ACTR3C: variants seen among roughly 807,000 people sequenced by gnomAD.
ACTR3C encodes actin-related protein 3C.
ACTR3C carries 18 observed loss-of-function variants against 26.3 expected under a neutral mutation model. That is an observed-to-expected ratio of 0.68 (90% CI 0.47 to 1.01). The LOEUF (loss-of-function observed/expected upper bound fraction) is 1.01, where lower values mean the gene tolerates loss of function less well. Among genes scored for constraint, ACTR3C ranks in the 50% least tolerant of loss-of-function variants. The pLI is 0.00. For missense variants in ACTR3C, 184 were observed against 250.7 expected (o/e 0.73, Z 1.80); for synonymous variants, 55 against 94.5 (o/e 0.58, Z 2.42).
At chr7:150,064,763 C>T in the ACTR3C span, among the ~76,000 whole-genome samples, 2 of 151,160 alleles carry the variant, frequency 1.3e-5, no homozygotes, top group South Asian at 2.1e-4. Flanking sequence ...AGTTCACATT[C>T]GGAAGGCAGT....
chr7:149,897,635 G>T, the ACTR3C span, among the ~76,000 whole-genome samples: 1 of 152,254 alleles, frequency 6.6e-6, no homozygotes, highest in Non-Finnish European at 1.5e-5. Context: ...GGAGGCCAAG[G>T]TGGGCAGATC....
chr7:149,947,959 G>A, the ACTR3C span, among the ~76,000 whole-genome samples: 3 of 151,774 alleles, frequency 2.0e-5, no homozygotes, highest in Non-Finnish European at 2.9e-5. Context: ...ACACACGTAA[G>A]CACACAGAGC....
chr7:149,924,341 C>T, the ACTR3C span, among the ~76,000 whole-genome samples: 1 of 151,872 alleles, frequency 6.6e-6, no homozygotes, highest in Non-Finnish European at 1.5e-5. Context: ...CTCCATTGCA[C>T]TCCAGCCTGG....
chr7:149,910,925 G>A, the ACTR3C span, among the ~76,000 whole-genome samples: 5 of 151,612 alleles, frequency 3.3e-5, no homozygotes, highest in Non-Finnish European at 4.4e-5. Flanking sequence ...CGTGCCACAG[G>A]AGCCAGGGCA....
chr7:150,316,400 C>T (rs1238914693), intron 1 of ACTR3C, among the ~76,000 whole-genome samples: 1 of 151,968 alleles, frequency 6.6e-6, no homozygotes, highest in Non-Finnish European at 1.5e-5. Flanking sequence ...TTGTTCCTAC[C>T]AACCCCCAGC....
the ACTR3C span, among the ~76,000 whole-genome samples, chr7:150,019,599 A>AAATAAAAATAAT: frequency 4.8e-3 from 523 of 109,796 alleles, 9 homozygotes; most frequent in African/African-American, 0.016. Flanking sequence ...TCAAAAATAA[A>AAATAAAAATAAT]AATAATAATA....
the ACTR3C span, among the ~76,000 whole-genome samples, chr7:150,019,589 T>C: frequency 9.0e-6 from 1 of 111,124 alleles, no homozygotes; most frequent in Admixed American, 9.1e-5. Context: ...AGACTCTGTC[T>C]CAAAAATAAA....
intron 1 of ACTR3C, among the ~76,000 whole-genome samples, chr7:150,300,924 C>T (rs62502656): frequency 0.17 from 25,214 of 151,958 alleles, 2,883 homozygotes; most frequent in Non-Finnish European, 0.24. Flanking sequence ...ATTTAAAGCA[C>T]GTGAGTAAGA....
At chr7:150,039,682 G>A in the ACTR3C span, among the ~76,000 whole-genome samples, 1 of 126,874 alleles carries the variant, frequency 7.9e-6, no homozygotes, top group Non-Finnish European at 1.7e-5. Flanking sequence ...GATCAACGAT[G>A]GGGGGTCCTA....
the ACTR3C span, among the ~76,000 whole-genome samples, chr7:149,922,344 T>C: frequency 6.9e-6 from 1 of 144,708 alleles, no homozygotes; most frequent in East Asian, 2.2e-4. Flanking sequence ...TTTTCTCCTT[T>C]AGTCAAACAA....
At chr7:150,110,667 T>A in the ACTR3C span, among the ~76,000 whole-genome samples, 1 of 92,314 alleles carries the variant, frequency 1.1e-5, no homozygotes, top group Admixed American at 1.4e-4. Flanking sequence ...CAAAACTGTC[T>A]GAGGGCGGGG....
intron 6 of ACTR3C, among the ~76,000 whole-genome samples, chr7:150,265,952 C>A (rs1462700394): frequency 6.6e-6 from 1 of 151,906 alleles, no homozygotes; most frequent in Non-Finnish European, 1.5e-5. Flanking sequence ...TTTACGTTAC[C>A]ACAGTACAAC....
chr7:149,909,819 T>G, the ACTR3C span: 1 of 237,982 alleles, frequency 4.2e-6, no homozygotes, highest in Non-Finnish European at 6.9e-6. Flanking sequence ...CTCAGAATAC[T>G]CCTTGAAATT....
At chr7:149,955,530 G>A in the ACTR3C span, among the ~76,000 whole-genome samples, 1 of 152,134 alleles carries the variant, frequency 6.6e-6, no homozygotes, top group Non-Finnish European at 1.5e-5. Context: ...GTGCAGTGAT[G>A]GGAGTCGCAG....
the ACTR3C span, among the ~76,000 whole-genome samples, chr7:150,054,027 A>G: frequency 6.6e-6 from 1 of 152,344 alleles, no homozygotes; most frequent in Non-Finnish European, 1.5e-5. Context: ...TTCTTCCAAC[A>G]ACACAATGAC....
chr7:150,169,937 A>G, the ACTR3C span, among the ~76,000 whole-genome samples: 1 of 149,118 alleles, frequency 6.7e-6, no homozygotes, highest in Non-Finnish European at 1.5e-5. Context: ...CATTTTTTAC[A>G]TCTGGTTGTT....
the ACTR3C span, among the ~76,000 whole-genome samples, chr7:150,048,267 G>A: frequency 6.6e-6 from 1 of 151,874 alleles, no homozygotes; most frequent in Non-Finnish European, 1.5e-5. Context: ...CACACATTCC[G>A]AGCGCTCTCC....
chr7:150,135,870 AG>A, the ACTR3C span, among the ~76,000 whole-genome samples: 104 of 141,086 alleles, frequency 7.4e-4, 1 homozygote, highest in East Asian at 4.7e-3. Context: ...GAAAAGGAAA[AG>A]GAAAAGAAAA....
the ACTR3C span, among the ~76,000 whole-genome samples, chr7:149,972,970 G>A: frequency 0.015 from 2,277 of 150,732 alleles, 48 homozygotes; most frequent in African/African-American, 0.052. Context: ...TGGGTGGCAC[G>A]CCTGTCCCAG....
Sources: gnomAD v4.1 joint callset for allele counts (sites outside exome capture counted in the v4.1 genomes callset) on GRCh38, gnomAD v4.1.1 for gene constraint, MANE v1.5 for transcripts, NCBI Gene and HGNC (gene_info 2026-07-23, HGNC 2026-07-21) for gene names.